The following SEMA3E variants were observed in gnomAD, a reference collection of about 807,000 sequenced individuals.
SEMA3E encodes the protein semaphorin-3E.
Under a neutral mutation model 93.6 loss-of-function variants are expected in SEMA3E, and 49 were observed. The observed-to-expected ratio is 0.52, with a 90% CI of 0.42 to 0.66. The LOEUF is 0.66. SEMA3E is among the 30% of genes least tolerant of loss of function. The pLI is 0.00. For missense variants in SEMA3E, 906 were observed against 964.8 expected (o/e 0.94, Z 0.81); for synonymous variants, 363 against 330.7 (o/e 1.10, Z -1.06).
chr7:83,370,589 T>C (rs948991236), intron 16 of SEMA3E, among the ~76,000 whole-genome samples: 1 of 152,200 alleles, frequency 6.6e-6, no homozygotes, highest in Non-Finnish European at 1.5e-5. Flanking sequence ...AGCTTGATTC[T>C]GTTTCAGGAT....
At chr7:83,414,728 C>T (rs550343805) in intron 5 of SEMA3E, among the ~76,000 whole-genome samples, 1 of 152,148 alleles carries the variant, frequency 6.6e-6, no homozygotes, top group South Asian at 2.1e-4. Flanking sequence ...AATACTCCAA[C>T]AACAAAGTTA....
In SEMA3E at chr7:83,494,512, G is replaced by A. The variant is rs925343826; in HGVS notation, c.116-4238C>T. On this transcript the variant is annotated intron_variant, in intron 1 of 16. Coordinates refer to ENST00000643230, the MANE Select transcript of SEMA3E (RefSeq NM_012431.3). The stretch of plus-strand genomic sequence containing the variant: ...TCACTCCACCAAAAGTCACTTTATG[G>A]CCTTAGGTAGCCATGTTATTTGGAA... Among the ~76,000 whole-genome samples the A allele has an allele frequency of 3.3e-5, 5 of 151,660 alleles. No homozygotes were observed. The East Asian group carries it at 9.6e-4, about 29-fold the overall frequency.
chr7:83,483,897 G>A (rs1040347533), intron 2 of SEMA3E, among the ~76,000 whole-genome samples: 3 of 152,112 alleles, frequency 2.0e-5, no homozygotes, highest in Middle Eastern at 3.2e-3. Context: ...ATGACGTACC[G>A]CTGTTGACCA....
intron 4 of SEMA3E, among the ~76,000 whole-genome samples, chr7:83,428,045 G>A (rs1194445315): frequency 6.6e-6 from 1 of 152,144 alleles, no homozygotes; most frequent in Non-Finnish European, 1.5e-5. Flanking sequence ...ACTAATGTGG[G>A]CAGATACATG....
rs1487197012 is a variant in SEMA3E, at chr7:83,363,872, T to C, written c.*3714A>G. The C allele has an allele frequency of 2.2e-3, 29 of 13,220 alleles. 1 individual carries two copies. Among genetic ancestry groups the C allele is most frequent in the African/African-American group, 3.6e-3 (28 of 7,726 alleles). 0.8% of individuals were successfully genotyped at this position (13,220 alleles called of 1,614,324 possible). A position where few individuals can be genotyped will look rare whatever the true frequency, so the allele number is the denominator to read the frequency against. ...CACAGGTCAATTCATTTTTTTTTTT[T>C]TTTTTTTTTTTTTTTTTTTTTTTTT... On this transcript the variant is annotated 3_prime_UTR_variant, in exon 17 of 17. Coordinates refer to ENST00000643230, the MANE Select transcript of SEMA3E (RefSeq NM_012431.3).
intron 4 of SEMA3E, among the ~76,000 whole-genome samples, chr7:83,425,312 T>C (rs541462966): frequency 1.3e-5 from 2 of 152,336 alleles, no homozygotes; most frequent in African/African-American, 4.8e-5. Flanking sequence ...TTCTATTTTC[T>C]TCATAAAATT....
At chr7:83,405,214 C>T (rs1327018777) in intron 9 of SEMA3E, among the ~76,000 whole-genome samples, 3 of 151,924 alleles carry the variant, frequency 2.0e-5, no homozygotes, top group Non-Finnish European at 4.4e-5. Context: ...ATACTGAGCA[C>T]AGGAGGATTC....
Position 83,482,040 on chromosome 7 carries a change from G to A in SEMA3E, c.276+8074C>T, listed in dbSNP as rs76997311. On this transcript the variant is annotated intron_variant, in intron 2 of 16. Transcript: ENST00000643230. ...GTCCTCACATCAGTTTAGAGGTAGA[G>A]CCTAAACACAGATATTATTTACACA... Among the ~76,000 whole-genome samples the A allele has an allele frequency of 2.2e-4, 33 of 152,168 alleles. No individual in the cohort carries two copies. The East Asian group carries it at 4.8e-3, about 22-fold the overall frequency.
intron 1 of SEMA3E, among the ~76,000 whole-genome samples, chr7:83,552,774 C>G (rs1260532206): frequency 2.6e-5 from 4 of 152,054 alleles, no homozygotes; most frequent in African/African-American, 7.2e-5. Flanking sequence ...TCCACCCTGG[C>G]AAATTTGTGG....
intron 16 of SEMA3E, among the ~76,000 whole-genome samples, chr7:83,375,241 A>T (rs569184761): frequency 1.3e-5 from 2 of 152,286 alleles, no homozygotes; most frequent in Non-Finnish European, 2.9e-5. Context: ...AGAAGAAAGT[A>T]TGATAAATCC....
chr7:83,392,795 A>G, intron 13 of SEMA3E, 74 bp from the exon 14 acceptor site: 1 of 1,348,698 alleles, frequency 7.4e-7, no homozygotes, highest in Non-Finnish European at 1.1e-6. Context: ...TAGTTTTCAC[A>G]TTTATACACA....
chr7:83,523,000 A>C (rs1373243080), intron 1 of SEMA3E, among the ~76,000 whole-genome samples: 5 of 152,114 alleles, frequency 3.3e-5, no homozygotes, highest in African/African-American at 1.2e-4. Context: ...GCATTTAAAC[A>C]ACTATGCACA....
At chr7:83,419,386 A>G (rs2709897) in intron 4 of SEMA3E, among the ~76,000 whole-genome samples, 148,167 of 152,304 alleles carry the variant, frequency 0.97, 72,202 homozygotes, top group East Asian at 1. Flanking sequence ...GGAGCTCAAA[A>G]TATTTCAAAC....
chr7:83,367,517 GATTT>G lies in SEMA3E; in HGVS notation c.*65_*68del. 4.0e-6 allele frequency: 6 copies of G among 1,486,104 alleles called. No individual in the cohort carries two copies. Among genetic ancestry groups the G allele is most frequent in the Non-Finnish European group, 4.7e-6 (5 of 1,064,658 alleles). 92.1% of individuals were successfully genotyped at this position (1,486,104 alleles called of 1,614,324 possible). A position where few individuals can be genotyped will look rare whatever the true frequency, so the allele number is the denominator to read the frequency against. On this transcript the variant is annotated 3_prime_UTR_variant, in exon 17 of 17. Transcript: ENST00000643230. ...TTTAAGTAATGCAAAGAAGTTGGAT[GATTT>G]ATTTTTTTACTTTTTTACTTTCCAA...
intron 4 of SEMA3E, among the ~76,000 whole-genome samples, chr7:83,438,516 A>C: frequency 6.6e-6 from 1 of 152,134 alleles, no homozygotes; most frequent in Non-Finnish European, 1.5e-5. Flanking sequence ...TTTAACAGTT[A>C]CACACATGCC....
At chr7:83,475,011 TAAA>T (rs1168732226) in intron 2 of SEMA3E, among the ~76,000 whole-genome samples, 1 of 150,870 alleles carries the variant, frequency 6.6e-6, no homozygotes, top group Non-Finnish European at 1.5e-5. Flanking sequence ...ATATATATAA[TAAA>T]ATACAAATTC....
At chr7:83,403,840 T>C (rs1245584459) in intron 9 of SEMA3E, among the ~76,000 whole-genome samples, 1 of 151,936 alleles carries the variant, frequency 6.6e-6, no homozygotes, top group Non-Finnish European at 1.5e-5. Context: ...GTAGCACGCC[T>C]TTGATCACCA....
intron 1 of SEMA3E, among the ~76,000 whole-genome samples, chr7:83,490,629 A>T (rs2115978476): frequency 6.6e-6 from 1 of 152,164 alleles, no homozygotes; most frequent in South Asian, 2.1e-4. Flanking sequence ...TGTGTTTATT[A>T]AATTCCAGAT....
intron 1 of SEMA3E, among the ~76,000 whole-genome samples, chr7:83,610,385 G>GA (rs1274244263): frequency 6.6e-6 from 1 of 151,916 alleles, no homozygotes; most frequent in Admixed American, 6.6e-5. Flanking sequence ...TATATGTTCA[G>GA]AAAAAAGAAT....
Sources: allele counts gnomAD v4.1 joint callset (sites outside exome capture counted in the v4.1 genomes callset), GRCh38; gene constraint gnomAD v4.1.1; transcripts MANE v1.5; gene names NCBI Gene and HGNC (gene_info 2026-07-23, HGNC 2026-07-21).